MAST4: variants seen among roughly 807,000 people sequenced by gnomAD.
MAST4 encodes the protein microtubule-associated serine/threonine-protein kinase 4.
MAST4 carries 89 observed loss-of-function variants against 162.7 expected under a neutral mutation model. That is an observed-to-expected ratio of 0.55 (90% CI 0.46 to 0.65). The LOEUF is 0.65. MAST4 is among the 30% of genes least tolerant of loss of function. MAST4 has a pLI of 0.00. For synonymous variants in MAST4, 1,479 were observed against 1,361.1 expected, an observed-to-expected ratio of 1.09 and a Z score of -1.91; for missense variants, 3,153 against 3,374.0, an observed-to-expected ratio of 0.93 and a Z score of 1.62.
rs1773399088 is a variant in MAST4, at chr5:67,163,078, G to A, written c.3968-69G>A. On this transcript the variant is annotated intron_variant, in intron 28 of 28. Coordinates refer to ENST00000403625, the MANE Select transcript of MAST4 (RefSeq NM_001164664.2). This position sits in a 1 kb window ranked among gnomAD's most constrained non-coding sequence, Gnocchi z 7.0. ...TACCTGGCCTTACCTAATACAGTCT[G>A]GGCTACAACTGTGAAAAAAAGGGGA... 2 of 1,499,850 alleles carry A rather than the reference G, an allele frequency of 1.3e-6. No homozygotes were observed. Among genetic ancestry groups the A allele is most frequent in the African/African-American group, 2.8e-5 (2 of 72,422 alleles). 92.9% of individuals were successfully genotyped at this position (1,499,850 alleles called of 1,614,324 possible).
intron 14 of MAST4, among the ~76,000 whole-genome samples, chr5:67,125,307 G>T (rs986886014): frequency 4.0e-5 from 6 of 151,362 alleles, no homozygotes; most frequent in Non-Finnish European, 5.9e-5. Flanking sequence ...GAACATGCAG[G>T]TTTGTTACAT....
intron 3 of MAST4, among the ~76,000 whole-genome samples, chr5:66,799,099 A>G (rs551093282): frequency 6.6e-6 from 1 of 152,054 alleles, no homozygotes; most frequent in Non-Finnish European, 1.5e-5. Context: ...TCTCATCTTT[A>G]TGTGCTTCTG....
chr5:66,734,422 G>A (rs1752041636), intron 1 of MAST4, among the ~76,000 whole-genome samples: 1 of 152,020 alleles, frequency 6.6e-6, no homozygotes, highest in Non-Finnish European at 1.5e-5. Flanking sequence ...GTGTAATGTG[G>A]GCCATTGATC....
intron 2 of MAST4, among the ~76,000 whole-genome samples, chr5:66,776,380 A>G (rs1003789901): frequency 6.6e-6 from 1 of 152,226 alleles, no homozygotes; most frequent in Non-Finnish European, 1.5e-5. Context: ...TCCAAGAAGT[A>G]AGATATCAAA....
chr5:66,879,172 G>A (rs1041032157), intron 3 of MAST4, among the ~76,000 whole-genome samples: 4 of 152,010 alleles, frequency 2.6e-5, no homozygotes, highest in African/African-American at 4.8e-5. Context: ...CCAGCTACTC[G>A]GGAGGCTGAG....
intron 1 of MAST4, among the ~76,000 whole-genome samples, chr5:66,612,525 G>A (rs1743357990): frequency 6.6e-6 from 1 of 152,182 alleles, no homozygotes; most frequent in South Asian, 2.1e-4. Flanking sequence ...AGGAGTTGGT[G>A]GGTGGGGAGG....
chr5:66,849,657 C>T (rs1759159178), intron 3 of MAST4, among the ~76,000 whole-genome samples: 1 of 152,180 alleles, frequency 6.6e-6, no homozygotes, highest in Non-Finnish European at 1.5e-5. Flanking sequence ...TGCCTCTTGC[C>T]TGTCTCTTTC....
chr5:67,050,625 T>C (rs1382548498), intron 4 of MAST4, among the ~76,000 whole-genome samples: 1 of 152,170 alleles, frequency 6.6e-6, no homozygotes, highest in Non-Finnish European at 1.5e-5. Flanking sequence ...GAAGTAAAAA[T>C]AAATGCTTGT....
Position 66,864,680 on chromosome 5 carries a change from A to G in MAST4, c.643-35271A>G, listed in dbSNP as rs746228073. On this transcript the variant is annotated intron_variant, in intron 3 of 28. Transcript: ENST00000403625. ...AAATACATGGAAGTCCTAACCCCCA[A>G]TACTGCGGATGGGATGAAGACACAA... Among the ~76,000 whole-genome samples, 70 of 151,394 alleles carry G rather than the reference A, an allele frequency of 4.6e-4. 1 individual carries two copies. The highest frequency in any genetic ancestry group is 7.4e-4 in the Non-Finnish European group (50 of 67,844).
intron 1 of MAST4, among the ~76,000 whole-genome samples, chr5:66,713,025 G>A (rs1350743047): frequency 1.3e-5 from 2 of 152,072 alleles, no homozygotes; most frequent in African/African-American, 2.4e-5. Flanking sequence ...TTTCCATCTG[G>A]ATCTCTCCAC....
At chr5:66,922,780 C>T (rs1195016040) in intron 4 of MAST4, among the ~76,000 whole-genome samples, 6 of 152,090 alleles carry the variant, frequency 3.9e-5, no homozygotes, top group Admixed American at 3.9e-4. Context: ...AAAAAAAAGT[C>T]AAAGGATTTC....
chr5:67,027,203 A>T (rs1391652817), intron 4 of MAST4, among the ~76,000 whole-genome samples: 1 of 152,178 alleles, frequency 6.6e-6, no homozygotes, highest in African/African-American at 2.4e-5. Flanking sequence ...AGGTGATTTG[A>T]GTGCTGTTTG....
intron 1 of MAST4, among the ~76,000 whole-genome samples, chr5:66,629,941 A>G (rs989032781): frequency 6.6e-5 from 10 of 152,242 alleles, no homozygotes. Context: ...TGTAAGTAAC[A>G]AAGGATGGAG....
At position 66,658,606 on chromosome 5, in the gene MAST4, G is replaced by T. The variant is rs561445158; in HGVS notation, c.363+61588G>T. Among the ~76,000 whole-genome samples the T allele has an allele frequency of 2.3e-4, 35 of 152,282 alleles. No individual in the cohort carries two copies. The South Asian group carries it at 6.6e-3, about 29-fold the overall frequency. On this transcript the variant is annotated intron_variant, in intron 1 of 28. Transcript: ENST00000403625. ...TAAAATAAGCATTATGAGCTTGCAG[G>T]GTGTGGTGGGAAAAAAGCCTAGTCT... is the stretch of plus-strand genomic sequence containing the variant.
Position 67,164,232 on chromosome 5 carries a change from A to G in MAST4, c.5053A>G (p.Asn1685Asp), listed in dbSNP as rs1210095602. ...TGAAAAGTTAGACAGCAAGCTGGCC[A>G]ACATCGATTACCTCCGAAAGAAAAT... ...RCEKLDSKLA[N>D]IDYLRKKMSL... The change falls in exon 29 of 29, where the codon AAC becomes GAC. Residue 1685 changes from asparagine (N) to aspartate (D), a missense_variant. Asn to Asp is a conservative substitution (Grantham distance 23, BLOSUM62 1). This residue lies in a region of MAST4 where 1,644 missense variants were observed against 1,495.0 expected (regional missense o/e 1.10). Coordinates refer to ENST00000403625, the MANE Select transcript of MAST4 (RefSeq NM_001164664.2). The surrounding 1 kb of genome is among the most constrained non-coding windows in gnomAD (Gnocchi z 5.3). 5 of 1,613,790 alleles carry G rather than the reference A, an allele frequency of 3.1e-6. No individual in the cohort carries two copies. The highest frequency in any genetic ancestry group is 4.2e-6 in the Non-Finnish European group (5 of 1,179,858).
chr5:67,080,998 T>TATAATATAATATATAATTGTATATATA (rs1561625942), intron 5 of MAST4, among the ~76,000 whole-genome samples: 1 of 131,610 alleles, frequency 7.6e-6, no homozygotes, highest in African/African-American at 3.2e-5. Context: ...TTGTATATAT[T>TATAATATAATATATAATTGTATATATA]ATATAATATA....
Position 66,951,636 on chromosome 5 carries a change from G to GTATGTA in MAST4, c.674+51655_674+51656insATGTAT, listed in dbSNP as rs1554072471. ...TGTGTGTGTGTGTGTGTGTGTGTGTGTGTGTGTGTGTGTGTGTATTTTTTC... is the reference window on the plus strand; with the variant it reads ...TGTGTGTGTGTGTGTGTGTGTGTGTGTATGTATGTGTGTGTGTGTGTGTATTTTTTC... On this transcript the variant is annotated intron_variant, in intron 4 of 28. Coordinates refer to ENST00000403625, the MANE Select transcript of MAST4 (RefSeq NM_001164664.2). 2.2e-3 allele frequency among the ~76,000 whole-genome samples: 315 copies of GTATGTA among 145,374 alleles called. 1 individual carries two copies. Among genetic ancestry groups the GTATGTA allele is most frequent in the South Asian group, 0.011 (51 of 4,638 alleles).
intron 2 of MAST4, among the ~76,000 whole-genome samples, chr5:66,777,168 C>CT (rs1252737173): frequency 1.3e-5 from 2 of 152,196 alleles, no homozygotes; most frequent in Non-Finnish European, 2.9e-5. Flanking sequence ...TGTCTGACTG[C>CT]TTTTCCATTC....
chr5:66,933,660 A>G (rs1475571450), intron 4 of MAST4, among the ~76,000 whole-genome samples: 2 of 152,106 alleles, frequency 1.3e-5, no homozygotes, highest in Non-Finnish European at 2.9e-5. Flanking sequence ...ACACTTGTTC[A>G]TTATGGAGTA....
Sources: allele counts gnomAD v4.1 joint callset (sites outside exome capture counted in the v4.1 genomes callset), GRCh38; gene constraint gnomAD v4.1.1; regional missense constraint gnomAD v4.1.1; non-coding constraint Gnocchi (gnomAD v3.1); transcripts MANE v1.5; gene names NCBI Gene and HGNC (gene_info 2026-07-23, HGNC 2026-07-21).